The following TMEM266 variants were observed in gnomAD, a reference collection of about 807,000 sequenced individuals.
The protein encoded by TMEM266 is transmembrane protein 266.
In TMEM266, 33 loss-of-function variants were observed where a neutral mutation model predicts 50.5. The ratio of observed to expected loss-of-function variants is 0.65; its 90% CI spans 0.50 to 0.87. TMEM266 has a LOEUF of 0.87. Ranked by LOEUF, TMEM266 falls within the 40% of genes least tolerant of loss-of-function variation. The probability of loss-of-function intolerance (pLI) is 0.00; values close to 1 mark genes in which losing one functional copy is unlikely to be tolerated. For synonymous variants in TMEM266, 310 were observed against 292.3 expected, an observed-to-expected ratio of 1.06 and a Z score of -0.62; for missense variants, 655 against 695.1, an observed-to-expected ratio of 0.94 and a Z score of 0.65.
rs760880166 is a variant in TMEM266 at position 76,204,199 on chromosome 15, A to T, written c.1480A>T (p.Thr494Ser). 1 of 1,613,972 alleles carries T rather than the reference A, an allele frequency of 6.2e-7. No individual in the cohort carries two copies. The highest frequency in any genetic ancestry group is 1.1e-5 in the South Asian group (1 of 91,086). ...CAACCAGAAGAACCAGGAGGGCTTC[A>T]CTGTCTTTCAGATCAGGCCTGTCAT... The change falls in exon 11 of 11, where the codon ACT (threonine) becomes TCT (serine). Residue 494 changes from threonine to serine, a missense_variant. Thr to Ser is a moderately conservative substitution (Grantham distance 58, BLOSUM62 1). Coordinates refer to ENST00000388942, the MANE Select transcript of TMEM266 (RefSeq NM_152335.3).
At position 76,117,373 on chromosome 15, in the gene TMEM266, G is replaced by A. The variant is rs1434350781; in HGVS notation, c.-96-16795G>A. Reference sequence around the variant, plus strand: ...CAGCATCAAATGAAACACTACGGCAGTGCCTGAGGTGGTCAGTCATTTTGT... The same window carrying A: ...CAGCATCAAATGAAACACTACGGCAATGCCTGAGGTGGTCAGTCATTTTGT... On this transcript the variant is annotated intron_variant, in intron 1 of 10. Transcript: ENST00000388942. 4.6e-5 allele frequency among the ~76,000 whole-genome samples: 7 copies of A among 152,094 alleles called. No homozygotes were observed. The East Asian group carries it at 1.3e-3, about 29-fold the overall frequency.
chr15:76,191,001 C>T (rs12901160), intron 8 of TMEM266, among the ~76,000 whole-genome samples: 46,518 of 152,174 alleles, frequency 0.31, 8,855 homozygotes, highest in Middle Eastern at 0.44. Flanking sequence ...ACCTAAACTC[C>T]TCGTTGGCCC....
intron 1 of TMEM266, among the ~76,000 whole-genome samples, chr15:76,091,862 A>G (rs573740869): frequency 6.6e-6 from 1 of 151,568 alleles, no homozygotes; most frequent in East Asian, 1.9e-4. Context: ...GTGGTGGCAC[A>G]TCCCTATGAT....
At chr15:76,119,110 C>T (rs1281314497) in intron 1 of TMEM266, among the ~76,000 whole-genome samples, 2 of 152,160 alleles carry the variant, frequency 1.3e-5, no homozygotes, top group Non-Finnish European at 2.9e-5. Context: ...ATCCTGGTGC[C>T]ATCTTCCCAG....
chr15:76,197,250 C>T (rs1283777302), intron 9 of TMEM266, among the ~76,000 whole-genome samples: 2 of 152,232 alleles, frequency 1.3e-5, no homozygotes, highest in Non-Finnish European at 2.9e-5. Flanking sequence ...CCAGGAACCC[C>T]AGGGCTGTAG....
chr15:76,169,962 A>G (rs1275412450), intron 6 of TMEM266, 90 bp downstream of exon 6: 8 of 1,413,206 alleles, frequency 5.7e-6, no homozygotes, highest in Non-Finnish European at 8.0e-6. Context: ...GGTGGACACC[A>G]TCAAGAAGGC....
At chr15:76,117,245 A>C (rs1023908917) in intron 1 of TMEM266, among the ~76,000 whole-genome samples, 1 of 134,278 alleles carries the variant, frequency 7.4e-6, no homozygotes, top group Non-Finnish European at 1.5e-5. Context: ...GACAGTGTGT[A>C]CATTTTTTTT....
intron 1 of TMEM266, chr15:76,114,089 C>G (rs937709734): frequency 1.3e-5 from 2 of 152,096 alleles, no homozygotes; most frequent in African/African-American, 4.8e-5. Context: ...CAATTTTTAC[C>G]TTATCTACAT....
intron 1 of TMEM266, among the ~76,000 whole-genome samples, chr15:76,129,059 C>A (rs897854139): frequency 3.7e-5 from 5 of 134,192 alleles, no homozygotes; most frequent in African/African-American, 1.5e-4. Flanking sequence ...TTAGGCTAAT[C>A]CATTAACTGA....
intron 5 of TMEM266, among the ~76,000 whole-genome samples, chr15:76,163,936 T>C (rs1176702291): frequency 1.3e-5 from 2 of 152,222 alleles, no homozygotes; most frequent in African/African-American, 4.8e-5. Flanking sequence ...GACAATTCCG[T>C]GGCATTTAGT....
intron 1 of TMEM266, among the ~76,000 whole-genome samples, chr15:76,103,105 G>A (rs556789940): frequency 6.6e-6 from 1 of 152,216 alleles, no homozygotes; most frequent in African/African-American, 2.4e-5. Context: ...AGAGATAGTG[G>A]GGGTTTGGAC....
chr15:76,080,636 C>T (rs185678977), intron 1 of TMEM266, among the ~76,000 whole-genome samples: 10 of 152,232 alleles, frequency 6.6e-5, no homozygotes, highest in Non-Finnish European at 1.5e-4. Context: ...GAGTACTGCA[C>T]TCTACAGATG....
intron 3 of TMEM266, among the ~76,000 whole-genome samples, chr15:76,152,833 CCTCT>C (rs1183440743): frequency 6.6e-6 from 1 of 152,126 alleles, no homozygotes; most frequent in Non-Finnish European, 1.5e-5. Context: ...ATTGCCTGAC[CCTCT>C]CTCCCACTAG....
At chr15:76,068,042 A>G (rs549885033) in intron 1 of TMEM266, among the ~76,000 whole-genome samples, 1 of 152,354 alleles carries the variant, frequency 6.6e-6, no homozygotes, top group Admixed American at 6.5e-5. Context: ...ACAATTGCTC[A>G]GTAATCTTCA....
At chr15:76,136,134 G>A (rs2037585108) in intron 2 of TMEM266, among the ~76,000 whole-genome samples, 2 of 152,082 alleles carry the variant, frequency 1.3e-5, no homozygotes, top group Admixed American at 1.3e-4. Context: ...TAGTAGAGAC[G>A]GTTTCACCAT....
intron 1 of TMEM266, among the ~76,000 whole-genome samples, chr15:76,097,059 C>G (rs1019551498): frequency 6.6e-6 from 1 of 151,414 alleles, no homozygotes; most frequent in African/African-American, 2.4e-5. Flanking sequence ...GGTCTTGACT[C>G]TTTATCCAAT....
intron 1 of TMEM266, among the ~76,000 whole-genome samples, chr15:76,101,415 G>A (rs2036997475): frequency 6.6e-6 from 1 of 152,188 alleles, no homozygotes; most frequent in African/African-American, 2.4e-5. Context: ...TGAAAGATAG[G>A]CTGAGATAAA....
At chr15:76,060,360 AG>A (rs57501212) in intron 1 of TMEM266, among the ~76,000 whole-genome samples, 23 of 142,842 alleles carry the variant, frequency 1.6e-4, no homozygotes, top group African/African-American at 2.3e-4. Flanking sequence ...TGCAAGCTGG[AG>A]GGGGGGGTTG....
chr15:76,073,313 A>C (rs1347941671), intron 1 of TMEM266, among the ~76,000 whole-genome samples: 2 of 150,414 alleles, frequency 1.3e-5, no homozygotes. Context: ...GCTCACTGCA[A>C]CCTCTGCCTC....
Sources: gnomAD v4.1 joint callset for allele counts (sites outside exome capture counted in the v4.1 genomes callset) on GRCh38, gnomAD v4.1.1 for gene constraint, MANE v1.5 for transcripts, NCBI Gene and HGNC (gene_info 2026-07-23, HGNC 2026-07-21) for gene names.